DLG2: variants seen among roughly 807,000 people sequenced by gnomAD.
The protein encoded by DLG2 is disks large homolog 2.
A neutral mutation model predicts 132.5 loss-of-function variants in DLG2; 45 were observed. The ratio of observed to expected loss-of-function variants is 0.34; its 90% CI spans 0.27 to 0.44. The LOEUF (loss-of-function observed/expected upper bound fraction) is 0.44, where lower values mean the gene tolerates loss of function less well. DLG2 is among the 20% of genes least tolerant of loss of function. DLG2 has a pLI of 1.00. For synonymous variants in DLG2, 424 were observed against 419.6 expected (o/e 1.01, Z -0.13); for missense variants, 1,045 against 1,196.9 (o/e 0.87, Z 1.87).
chr11:85,108,321 G>A (rs2072147215), intron 6 of DLG2, among the ~76,000 whole-genome samples: 1 of 151,940 alleles, frequency 6.6e-6, no homozygotes, highest in African/African-American at 2.4e-5. Context: ...AAATATACAA[G>A]GATAATAGAG....
intron 7 of DLG2, among the ~76,000 whole-genome samples, chr11:84,460,403 C>A (rs1342493935): frequency 6.7e-6 from 1 of 150,240 alleles, no homozygotes; most frequent in Non-Finnish European, 1.5e-5. Context: ...AACAAAGAAC[C>A]AATCATATTT....
intron 6 of DLG2, among the ~76,000 whole-genome samples, chr11:84,837,847 C>A (rs1340888871): frequency 6.6e-6 from 1 of 151,764 alleles, no homozygotes. Context: ...ATTAGGTTCT[C>A]AAAGTGTGGT....
chr11:85,174,285 C>A (rs1021355542), intron 4 of DLG2, among the ~76,000 whole-genome samples: 2 of 152,070 alleles, frequency 1.3e-5, no homozygotes, highest in Non-Finnish European at 2.9e-5. Flanking sequence ...CATACCAAAG[C>A]ACACTCAAAT....
chr11:83,920,091 G>A (rs928967453), intron 15 of DLG2, among the ~76,000 whole-genome samples: 1 of 152,134 alleles, frequency 6.6e-6, no homozygotes, highest in Non-Finnish European at 1.5e-5. Flanking sequence ...GGGAGCCTTC[G>A]TAAAATTTGG....
At chr11:84,947,080 C>T (rs747887107) in intron 6 of DLG2, among the ~76,000 whole-genome samples, 1 of 152,170 alleles carries the variant, frequency 6.6e-6, no homozygotes, top group Non-Finnish European at 1.5e-5. Flanking sequence ...TGCGGCCAGT[C>T]GCTGCCATTG....
intron 11 of DLG2, among the ~76,000 whole-genome samples, chr11:84,018,382 T>C (rs967605331): frequency 6.6e-6 from 1 of 152,006 alleles, no homozygotes; most frequent in Non-Finnish European, 1.5e-5. Context: ...GGGTAAGTAG[T>C]AAAAAAGAAT....
intron 18 of DLG2, among the ~76,000 whole-genome samples, chr11:83,674,435 C>G (rs780570462): frequency 6.6e-6 from 1 of 152,102 alleles, no homozygotes; most frequent in Non-Finnish European, 1.5e-5. Context: ...TACAAGGAAG[C>G]CACAAAACAA....
At chr11:84,529,396 C>A (rs181416344) in intron 7 of DLG2, among the ~76,000 whole-genome samples, 4 of 152,172 alleles carry the variant, frequency 2.6e-5, no homozygotes, top group Non-Finnish European at 4.4e-5. Flanking sequence ...TAGAAAACCC[C>A]TTAGTCTCTA....
At chr11:84,325,477 C>G (rs1335076069) in intron 7 of DLG2, among the ~76,000 whole-genome samples, 1 of 151,626 alleles carries the variant, frequency 6.6e-6, no homozygotes, top group African/African-American at 2.4e-5. Flanking sequence ...TCAATTTTGT[C>G]AACTGCTTTT....
In DLG2 at chr11:84,273,409, T is replaced by A; in HGVS notation, c.520-22118A>T. The A allele has an allele frequency of 2.5e-6, 3 of 1,213,852 alleles. No individual in the cohort carries two copies. The South Asian group carries it at 7.5e-5, about 30-fold the overall frequency. 75.2% of individuals were successfully genotyped at this position (1,213,852 alleles called of 1,614,324 possible). On this transcript the variant is annotated intron_variant, in intron 7 of 27. Coordinates refer to ENST00000376104, the MANE Select transcript of DLG2 (RefSeq NM_001142699.3). Reference sequence around the variant, plus strand: ...TCTTAAGACTTAAAAAAAAAGTTAATCAGAACATTTCTTTTGGGGGATAAC... The same window carrying A: ...TCTTAAGACTTAAAAAAAAAGTTAAACAGAACATTTCTTTTGGGGGATAAC...
chr11:84,683,262 T>G (rs1390427472), intron 6 of DLG2, among the ~76,000 whole-genome samples: 1 of 152,164 alleles, frequency 6.6e-6, no homozygotes, highest in Non-Finnish European at 1.5e-5. Flanking sequence ...TTCAAATGAA[T>G]TTTAGGTTCT....
intron 6 of DLG2, among the ~76,000 whole-genome samples, chr11:84,838,397 T>C (rs1469206868): frequency 5.4e-5 from 3 of 55,598 alleles, no homozygotes. Context: ...ACAGATTGAA[T>C]GACTGAAAAA....
intron 3 of DLG2, among the ~76,000 whole-genome samples, chr11:85,485,157 A>T (rs1213083536): frequency 6.6e-6 from 1 of 151,618 alleles, no homozygotes; most frequent in African/African-American, 2.4e-5. Flanking sequence ...AACAATGAGA[A>T]CACATGGACA....
intron 6 of DLG2, among the ~76,000 whole-genome samples, chr11:85,086,465 A>G (rs1007188354): frequency 7.2e-5 from 11 of 152,192 alleles, no homozygotes; most frequent in Admixed American, 5.9e-4. Flanking sequence ...ATGAAATCTG[A>G]AAGTAAAATA....
At chr11:84,580,610 T>C (rs1223533899) in intron 6 of DLG2, among the ~76,000 whole-genome samples, 1 of 152,230 alleles carries the variant, frequency 6.6e-6, no homozygotes, top group Non-Finnish European at 1.5e-5. Flanking sequence ...AGCAAGCAGC[T>C]GCTGTACTCT....
At chr11:85,204,975 C>A (rs1441149374) in intron 4 of DLG2, among the ~76,000 whole-genome samples, 1 of 151,984 alleles carries the variant, frequency 6.6e-6, no homozygotes, top group Admixed American at 6.6e-5. Flanking sequence ...AAGTGGATAT[C>A]CACACGCAGA....
In DLG2 at chr11:84,031,408, T is replaced by A. The variant is rs145693013; in HGVS notation, c.919+27907A>T. 5.9e-5 allele frequency among the ~76,000 whole-genome samples: 9 copies of A among 152,280 alleles called. No homozygotes were observed. In the East Asian group the frequency reaches 1.7e-3, roughly 29 times the overall value. On this transcript the variant is annotated intron_variant, in intron 11 of 27. Coordinates refer to ENST00000376104, the MANE Select transcript of DLG2 (RefSeq NM_001142699.3). ...TATTTTGCATTTGACCGTGTTAAAC[T>A]TATGAGACTATTAGACTTGAGTAGA... is the stretch of plus-strand genomic sequence containing the variant.
intron 8 of DLG2, among the ~76,000 whole-genome samples, chr11:84,243,336 A>G (rs2097260537): frequency 6.6e-6 from 1 of 152,120 alleles, no homozygotes; most frequent in Admixed American, 6.5e-5. Context: ...CTTTTTTGGA[A>G]AGCAAAGGTC....
chr11:85,396,255 C>T (rs569057176), intron 3 of DLG2, among the ~76,000 whole-genome samples: 10 of 152,076 alleles, frequency 6.6e-5, no homozygotes, highest in African/African-American at 9.7e-5. Flanking sequence ...ACATCCACAC[C>T]GAAACCCCAT....
Sources: allele counts gnomAD v4.1 joint callset (sites outside exome capture counted in the v4.1 genomes callset), GRCh38; gene constraint gnomAD v4.1.1; transcripts MANE v1.5; gene names NCBI Gene and HGNC (gene_info 2026-07-23, HGNC 2026-07-21).